FOXJ3: variants seen among roughly 807,000 people sequenced by gnomAD.
The protein encoded by FOXJ3 is forkhead box J3, also known as forkhead box protein J3.
A neutral mutation model predicts 76.1 loss-of-function variants in FOXJ3; 22 were observed. The ratio of observed to expected loss-of-function variants is 0.29; its 90% CI spans 0.21 to 0.41. The LOEUF (loss-of-function observed/expected upper bound fraction) is 0.41. Among genes scored for constraint, FOXJ3 ranks in the 10% least tolerant of loss-of-function variants. The probability of loss-of-function intolerance (pLI) is 1.00; values close to 1 mark genes in which losing one functional copy is unlikely to be tolerated. For missense variants in FOXJ3, 613 were observed against 762.1 expected (o/e 0.80, Z 2.30); for synonymous variants, 269 against 261.2 (o/e 1.03, Z -0.29).
chr1:42,190,004 GT>G, intron 9 of FOXJ3, among the ~76,000 whole-genome samples: 1 of 152,192 alleles, frequency 6.6e-6, no homozygotes, highest in East Asian at 1.9e-4. Flanking sequence ...CCCTGCCAAG[GT>G]AGCGAAGGAA....
chr1:42,243,877 C>G (rs1649339768), intron 4 of FOXJ3, among the ~76,000 whole-genome samples: 1 of 152,128 alleles, frequency 6.6e-6, no homozygotes, highest in African/African-American at 2.4e-5. Flanking sequence ...ACCCGTTGTT[C>G]CCATCAGTAC....
intron 1 of FOXJ3, among the ~76,000 whole-genome samples, chr1:42,319,064 C>T (rs888276598): frequency 1.3e-5 from 2 of 152,082 alleles, no homozygotes; most frequent in South Asian, 2.1e-4. Flanking sequence ...GATCCCATCT[C>T]TAAAAAAATA....
At chr1:42,282,365 A>G (rs376145164) in intron 2 of FOXJ3, among the ~76,000 whole-genome samples, 9 of 152,150 alleles carry the variant, frequency 5.9e-5, no homozygotes, top group Admixed American at 2.6e-4. Flanking sequence ...CATTATGCCT[A>G]AACACTTTCA....
In FOXJ3 at chr1:42,298,093, C is replaced by T. The variant is rs574620827; in HGVS notation, c.44+12957G>A. 4.9e-4 allele frequency among the ~76,000 whole-genome samples: 75 copies of T among 152,154 alleles called. 1 individual carries two copies. The highest frequency in any genetic ancestry group is 4.0e-3 in the Admixed American group (61 of 15,286). On this transcript the variant is annotated intron_variant, in intron 2 of 12. Transcript: ENST00000361346. ...CTGTTCTCTTGATAGTAAGTTCTCA[C>T]GAGATCTGATGGTTTTACAAGGGGC...
At chr1:42,261,277 A>C (rs149787641) in intron 4 of FOXJ3, among the ~76,000 whole-genome samples, 8 of 152,264 alleles carry the variant, frequency 5.3e-5, no homozygotes, top group African/African-American at 1.9e-4. Flanking sequence ...GATTTAAAAA[A>C]TGGAGATAGA....
At position 42,177,250 on chromosome 1, in the gene FOXJ3, C is replaced by G. The variant is rs1338296588; in HGVS notation, c.*2460G>C. The G allele has an allele frequency of 6.6e-6, 1 of 152,656 alleles. No homozygotes were observed. Among genetic ancestry groups the G allele is most frequent in the Non-Finnish European group, 1.5e-5 (1 of 68,050 alleles). 9.5% of individuals were successfully genotyped at this position (152,656 alleles called of 1,614,324 possible). A position where few individuals can be genotyped will look rare whatever the true frequency, so the allele number is the denominator to read the frequency against. ...TGAAGGCTTTGCCTCCATGGCCATT[C>G]TTGCTAAGTTTAAATTCTCATAAAA... On this transcript the variant is annotated 3_prime_UTR_variant, in exon 13 of 13. Coordinates refer to ENST00000361346, the MANE Select transcript of FOXJ3 (RefSeq NM_014947.5).
In FOXJ3 at chr1:42,189,992, C is replaced by A. The variant is rs184137118; in HGVS notation, c.1352-588G>T. Among the ~76,000 whole-genome samples, 8 of 152,266 alleles carry A rather than the reference C, an allele frequency of 5.3e-5. 1 individual carries two copies. Among genetic ancestry groups the A allele is most frequent in the African/African-American group, 1.2e-4 (5 of 41,544 alleles). On this transcript the variant is annotated intron_variant, in intron 9 of 12. Coordinates refer to ENST00000361346, the MANE Select transcript of FOXJ3 (RefSeq NM_014947.5). ...TTAGGAGAAAAAAATTTAACATAGT[C>A]CCCCTGCCAAGGTAGCGAAGGAAGA...
intron 2 of FOXJ3, among the ~76,000 whole-genome samples, chr1:42,291,783 T>C (rs1199188584): frequency 6.6e-6 from 1 of 152,184 alleles, no homozygotes; most frequent in Non-Finnish European, 1.5e-5. Context: ...CACCTCACTG[T>C]GGGTGGAGGG....
chr1:42,232,777 G>A (rs943303003), intron 4 of FOXJ3, among the ~76,000 whole-genome samples: 1 of 152,156 alleles, frequency 6.6e-6, no homozygotes, highest in African/African-American at 2.4e-5. Context: ...TTCTTTGGCT[G>A]TGTGGAAGCT....
intron 11 of FOXJ3, 146 bp downstream of exon 11, chr1:42,188,587 AAATT>A (rs1646482733): frequency 4.4e-6 from 2 of 458,994 alleles, no homozygotes; most frequent in Non-Finnish European, 7.6e-6. Flanking sequence ...CCCTACATAT[AAATT>A]ATTTGCTTTC....
chr1:42,199,304 G>A, intron 6 of FOXJ3, 74 bp from the exon 7 acceptor site: 1 of 1,321,810 alleles, frequency 7.6e-7, no homozygotes, highest in South Asian at 1.3e-5. Context: ...ATACAATTGA[G>A]CAGGCATATG....
At chr1:42,329,152 A>C (rs190776958) in intron 1 of FOXJ3, among the ~76,000 whole-genome samples, 1 of 152,350 alleles carries the variant, frequency 6.6e-6, no homozygotes, top group East Asian at 1.9e-4. Flanking sequence ...ACCTAACTAC[A>C]AAAGGTTACT....
intron 3 of FOXJ3, 63 bp downstream of exon 3, chr1:42,278,285 T>C (rs1281336500): frequency 4.2e-6 from 5 of 1,178,158 alleles, no homozygotes; most frequent in Non-Finnish European, 4.8e-6. Context: ...AAAGCTTTAT[T>C]TTCAGTAGAA....
At chr1:42,303,186 C>T (rs1016946697) in intron 2 of FOXJ3, among the ~76,000 whole-genome samples, 1 of 152,166 alleles carries the variant, frequency 6.6e-6, no homozygotes, top group Admixed American at 6.5e-5. Flanking sequence ...AAAGCATGGG[C>T]ACTGGATAAG....
At chr1:42,330,542 G>A (rs1335045722) in intron 1 of FOXJ3, among the ~76,000 whole-genome samples, 1 of 152,164 alleles carries the variant, frequency 6.6e-6, no homozygotes, top group Non-Finnish European at 1.5e-5. Flanking sequence ...GGGGGCTGAG[G>A]TGGGAGGATC....
intron 3 of FOXJ3, among the ~76,000 whole-genome samples, chr1:42,269,247 A>G (rs542082959): frequency 6.6e-6 from 1 of 152,276 alleles, no homozygotes; most frequent in South Asian, 2.1e-4. Context: ...AAGACATGAA[A>G]AAAGAAAGAG....
chr1:42,283,536 T>C (rs1230656581), intron 2 of FOXJ3, among the ~76,000 whole-genome samples: 1 of 152,038 alleles, frequency 6.6e-6, no homozygotes, highest in Non-Finnish European at 1.5e-5. Context: ...GGCAAATGGG[T>C]ACAGATAAAA....
At chr1:42,291,104 A>AGATC (rs1233785640) in intron 2 of FOXJ3, among the ~76,000 whole-genome samples, 9 of 151,648 alleles carry the variant, frequency 5.9e-5, no homozygotes, top group Admixed American at 1.3e-4. Flanking sequence ...ACAGACAGAT[A>AGATC]GATCCACAGT....
chr1:42,334,913 C>A (rs1186820313), intron 1 of FOXJ3, 146 bp downstream of exon 1: 1 of 152,298 alleles, frequency 6.6e-6, no homozygotes, highest in East Asian at 1.9e-4. Flanking sequence ...CCCTGCCCCA[C>A]CCGCCGCCCA....
Sources: gnomAD v4.1 joint callset for allele counts (sites outside exome capture counted in the v4.1 genomes callset) on GRCh38, gnomAD v4.1.1 for gene constraint, MANE v1.5 for transcripts, NCBI Gene and HGNC (gene_info 2026-07-23, HGNC 2026-07-21) for gene names.